Variants in EPHA6 observed in about 807,000 individuals in gnomAD.
The protein encoded by EPHA6 is ephrin type-A receptor 6.
Under a neutral mutation model 112.0 loss-of-function variants are expected in EPHA6, and 50 were observed. The ratio of observed to expected loss-of-function variants is 0.45; its 90% CI spans 0.36 to 0.56. The LOEUF (loss-of-function observed/expected upper bound fraction) is 0.56, where lower values mean the gene tolerates loss of function less well. EPHA6 is among the 20% of genes least tolerant of loss of function. EPHA6 has a pLI of 0.00. For synonymous variants in EPHA6, 529 were observed against 490.7 expected, an observed-to-expected ratio of 1.08 and a Z score of -1.03; for missense variants, 1,280 against 1,417.4, an observed-to-expected ratio of 0.90 and a Z score of 1.56.
chr3:96,938,725 G>A (rs559444239), intron 2 of EPHA6, among the ~76,000 whole-genome samples: 6 of 151,654 alleles, frequency 4.0e-5, no homozygotes, highest in African/African-American at 1.2e-4. Flanking sequence ...TGCCCATTCA[G>A]TGTGATATTG....
At chr3:97,452,772 C>T (rs1036834152) in intron 7 of EPHA6, among the ~76,000 whole-genome samples, 4 of 476 alleles carry the variant, frequency 8.4e-3, no homozygotes, top group African/African-American at 0.017. Context: ...CACATATCCA[C>T]ACACACACAC....
intron 11 of EPHA6, among the ~76,000 whole-genome samples, chr3:97,585,753 T>C (rs1360410577): frequency 6.6e-6 from 1 of 152,206 alleles, no homozygotes; most frequent in Admixed American, 6.5e-5. Context: ...AGAATTTAGA[T>C]AATGGACAAA....
At chr3:97,129,122 G>T (rs568550105) in intron 3 of EPHA6, among the ~76,000 whole-genome samples, 1 of 152,100 alleles carries the variant, frequency 6.6e-6, no homozygotes, top group African/African-American at 2.4e-5. Flanking sequence ...CTCTGAAAGT[G>T]CTGGGATTAT....
chr3:97,711,260 A>C (rs1236171809), intron 14 of EPHA6, among the ~76,000 whole-genome samples: 1 of 152,028 alleles, frequency 6.6e-6, no homozygotes, highest in Admixed American at 6.5e-5. Context: ...GCCTTCCACC[A>C]TGATTGTGAG....
intron 15 of EPHA6, among the ~76,000 whole-genome samples, chr3:97,727,454 CA>C (rs1392210440): frequency 6.6e-6 from 1 of 152,032 alleles, no homozygotes; most frequent in Non-Finnish European, 1.5e-5. Flanking sequence ...AGTTATGGGT[CA>C]GTCTTTCAGC....
intron 14 of EPHA6, among the ~76,000 whole-genome samples, chr3:97,652,959 G>A (rs903431957): frequency 6.6e-6 from 1 of 151,880 alleles, no homozygotes; most frequent in African/African-American, 2.4e-5. Context: ...AACATAAATA[G>A]AGAAATAATA....
intron 14 of EPHA6, among the ~76,000 whole-genome samples, chr3:97,655,082 A>AAT (rs1423579017): frequency 2.7e-5 from 4 of 148,420 alleles, no homozygotes; most frequent in Admixed American, 6.8e-5. Flanking sequence ...GCTTGGAGAA[A>AAT]ATATATATAT....
intron 14 of EPHA6, among the ~76,000 whole-genome samples, chr3:97,701,425 C>A (rs964876125): frequency 1.3e-5 from 2 of 152,084 alleles, no homozygotes; most frequent in Non-Finnish European, 2.9e-5. Context: ...ACAGATGCAT[C>A]ATTTAATTAC....
At chr3:96,958,164 C>T (rs2041830202) in intron 2 of EPHA6, among the ~76,000 whole-genome samples, 1 of 152,064 alleles carries the variant, frequency 6.6e-6, no homozygotes, top group South Asian at 2.1e-4. Flanking sequence ...GCGGGGCATG[C>T]CTGTATTCCC....
intron 3 of EPHA6, among the ~76,000 whole-genome samples, chr3:97,005,213 G>A (rs1238870256): frequency 1.3e-5 from 2 of 152,060 alleles, no homozygotes; most frequent in African/African-American, 4.8e-5. Context: ...GAGCAGTATG[G>A]CCATTTTCAC....
At chr3:97,240,083 GCC>G (rs747115339) in intron 4 of EPHA6, among the ~76,000 whole-genome samples, 9 of 151,746 alleles carry the variant, frequency 5.9e-5, no homozygotes, top group Admixed American at 2.0e-4. Context: ...TTTTGTGATT[GCC>G]ATTCATTTCC....
intron 1 of EPHA6, among the ~76,000 whole-genome samples, chr3:96,829,963 A>ACT (rs1253686342): frequency 6.6e-6 from 1 of 150,936 alleles, no homozygotes; most frequent in South Asian, 2.1e-4. Flanking sequence ...ACACACACAC[A>ACT]CACACACACA....
chr3:97,681,081 A>G (rs1430866034), intron 14 of EPHA6, among the ~76,000 whole-genome samples: 4 of 152,178 alleles, frequency 2.6e-5, no homozygotes, highest in South Asian at 2.1e-4. Context: ...GAAAAATAGG[A>G]AGAGGAATTT....
intron 3 of EPHA6, among the ~76,000 whole-genome samples, chr3:97,182,080 C>T (rs891604407): frequency 1.2e-4 from 19 of 152,026 alleles, no homozygotes; most frequent in African/African-American, 2.4e-4. Flanking sequence ...AAAAGATGAA[C>T]AAACTTGGTG....
intron 10 of EPHA6, among the ~76,000 whole-genome samples, chr3:97,529,604 CA>C (rs937540967): frequency 1.3e-5 from 2 of 151,560 alleles, no homozygotes; most frequent in African/African-American, 4.8e-5. Context: ...CAGTTTTTAG[CA>C]AAATCTGAAA....
At position 97,403,737 on chromosome 3, in the gene EPHA6, C is replaced by T. The variant is rs1437435730; in HGVS notation, c.1607-1413C>T. On this transcript the variant is annotated intron_variant, in intron 5 of 17. Coordinates refer to ENST00000389672, the MANE Select transcript of EPHA6 (RefSeq NM_001080448.3). ...CTGGGATTACAGGCGTGAGCCACCG[C>T]GCCCGGCCTTTTAAAGTTATTTTTA... Among the ~76,000 whole-genome samples the T allele has an allele frequency of 7.9e-5, 12 of 152,266 alleles. No homozygotes were observed. In the East Asian group the frequency reaches 2.1e-3, roughly 27 times the overall value.
At chr3:97,622,674 A>G (rs889440805) in intron 13 of EPHA6, among the ~76,000 whole-genome samples, 4 of 151,846 alleles carry the variant, frequency 2.6e-5, no homozygotes, top group Admixed American at 2.0e-4. Flanking sequence ...ACTGTTTTCT[A>G]TAGTGGCTAT....
chr3:97,340,795 T>C (rs1200846042), intron 5 of EPHA6, among the ~76,000 whole-genome samples: 1 of 152,178 alleles, frequency 6.6e-6, no homozygotes, highest in Non-Finnish European at 1.5e-5. Flanking sequence ...TGGTGTTGCT[T>C]CCTCTTCCTA....
At chr3:97,648,194 T>C in intron 14 of EPHA6, 1 of 587,560 alleles carries the variant, frequency 1.7e-6, no homozygotes, top group Non-Finnish European at 3.0e-6. Context: ...CGAAATACTT[T>C]GTTGAAATAC....
Sources: allele counts gnomAD v4.1 joint callset (sites outside exome capture counted in the v4.1 genomes callset), GRCh38; gene constraint gnomAD v4.1.1; transcripts MANE v1.5; gene names NCBI Gene and HGNC (gene_info 2026-07-23, HGNC 2026-07-21).